The following EML2 variants were observed in gnomAD, a reference collection of about 807,000 sequenced individuals.
EML2 encodes echinoderm microtubule-associated protein-like 2.
A neutral mutation model predicts 84.7 loss-of-function variants in EML2; 59 were observed. The ratio of observed to expected loss-of-function variants is 0.70; its 90% CI spans 0.56 to 0.86. EML2 has a LOEUF of 0.86. EML2 is among the 40% of genes least tolerant of loss of function. EML2 has a pLI of 0.00. For missense variants in EML2, 818 were observed against 855.6 expected (o/e 0.96, Z 0.55); for synonymous variants, 352 against 348.9 (o/e 1.01, Z -0.10).
chr19:45,613,242 TG>T (rs1970676536), intron 18 of EML2, among the ~76,000 whole-genome samples: 1 of 152,166 alleles, frequency 6.6e-6, no homozygotes, highest in Non-Finnish European at 1.5e-5. Context: ...GTATATCCTG[TG>T]CCTAGGTACA....
At position 45,624,711 on chromosome 19, in the gene EML2, A is replaced by G. The variant is rs1388982947; in HGVS notation, c.841+8T>C. 1 of 1,609,954 alleles carries G rather than the reference A, an allele frequency of 6.2e-7. No individual in the cohort carries two copies. The highest frequency in any genetic ancestry group is 2.2e-5 in the East Asian group (1 of 44,824). Reference sequence around the variant, plus strand: ...GATTGGGAACCAAACAGATGGGGTGACACTGACCTTTGCCCCAAACATAGA... The same window carrying G: ...GATTGGGAACCAAACAGATGGGGTGGCACTGACCTTTGCCCCAAACATAGA... On this transcript the variant is annotated splice_region_variant and intron_variant, in intron 9 of 18. Transcript: ENST00000245925.
At chr19:45,624,126 T>C (rs1283149455) in intron 9 of EML2, among the ~76,000 whole-genome samples, 1 of 152,262 alleles carries the variant, frequency 6.6e-6, no homozygotes, top group Non-Finnish European at 1.5e-5. Flanking sequence ...CACATTAATC[T>C]GTTGGCTGAA....
intron 11 of EML2, among the ~76,000 whole-genome samples, chr19:45,620,017 T>C (rs1339066823): frequency 6.6e-6 from 1 of 152,054 alleles, no homozygotes; most frequent in African/African-American, 2.4e-5. Context: ...CATCACTGCA[T>C]TCCAGGCTGG....
At position 45,633,151 on chromosome 19, in the gene EML2, A is replaced by G. The variant is rs749357922; in HGVS notation, c.330-12T>C. 4.4e-6 allele frequency: 7 copies of G among 1,605,542 alleles called. No individual in the cohort carries two copies. Among genetic ancestry groups the G allele is most frequent in the South Asian group, 2.2e-5 (2 of 89,280 alleles). ...GGTGGATGGCCAAGCTGCGGAAAGA[A>G]GGGACAGAGAGACCAGGGCTCAGTG... On this transcript the variant is annotated splice_polypyrimidine_tract_variant and intron_variant, in intron 4 of 18. Transcript: ENST00000245925.
rs191770936 is a variant in EML2, at chr19:45,614,751, A to G, written c.1598-51T>C. The G allele has an allele frequency of 2.8e-6, 4 of 1,443,512 alleles. No homozygotes were observed. The East Asian group carries it at 9.1e-5, about 33-fold the overall frequency. 89.4% of individuals were successfully genotyped at this position (1,443,512 alleles called of 1,614,324 possible). A position where few individuals can be genotyped will look rare whatever the true frequency, so the allele number is the denominator to read the frequency against. On this transcript the variant is annotated intron_variant, in intron 16 of 18. Coordinates refer to ENST00000245925, the MANE Select transcript of EML2 (RefSeq NM_012155.4). Reference sequence around the variant, plus strand: ...TTCAGAGTTGGAAGAACTACCCAGTAAACCCATCCCTTTCTTAGACAATCG... The same window carrying G: ...TTCAGAGTTGGAAGAACTACCCAGTGAACCCATCCCTTTCTTAGACAATCG...
At chr19:45,643,706 C>G, upstream of EML2, 1 of 1,534,528 alleles carries the variant, frequency 6.5e-7, no homozygotes, top group Admixed American at 2.0e-5. Context: ...GGCCGCGCAG[C>G]TGGCCCTCTG....
chr19:45,642,377 G>A, upstream of EML2: 1 of 1,525,296 alleles, frequency 6.6e-7, no homozygotes, highest in Non-Finnish European at 8.8e-7. Flanking sequence ...AGTGCCGGCT[G>A]CAGGGCCACC....
rs868032019 is a variant in EML2 at position 45,629,994 on chromosome 19, G to A, written c.563C>T (p.Ser188Leu). Residue 188 changes from serine to leucine, a missense_variant, in exon 7 of 19, where the codon TCG becomes TTG. By Grantham distance (145) the Ser-to-Leu change is moderately radical (BLOSUM62 -2). Transcript: ENST00000245925. ...GGTCTCCTTGGCCCAGTCCCACACCGAGAGCATGTGATCATTGGATTCATC... is the reference window on the plus strand; with the variant it reads ...GGTCTCCTTGGCCCAGTCCCACACCAAGAGCATGTGATCATTGGATTCATC... ...AVDESNDHML[S>L]VWDWAKETKV... 2.2e-5 allele frequency: 36 copies of A among 1,613,372 alleles called. No individual in the cohort carries two copies. Among genetic ancestry groups the A allele is most frequent in the East Asian group, 6.7e-5 (3 of 44,878 alleles).
At chr19:45,621,068 CCTGGGT>C in intron 11 of EML2, 133 bp downstream of exon 11, 2 of 1,336,590 alleles carry the variant, frequency 1.5e-6, no homozygotes. Context: ...GGGAAGGGGT[CCTGGGT>C]CAGGGCCAGG....
At chr19:45,610,022 G>A (rs764062379) in intron 18 of EML2, among the ~76,000 whole-genome samples, 7 of 151,946 alleles carry the variant, frequency 4.6e-5, no homozygotes, top group African/African-American at 9.7e-5. Flanking sequence ...ACAGATATGC[G>A]CCCCCACACC....
At chr19:45,639,758 C>T (rs931597275), upstream of EML2, among the ~76,000 whole-genome samples, 3 of 152,140 alleles carry the variant, frequency 2.0e-5, no homozygotes, top group African/African-American at 7.2e-5. Context: ...CTTTGGGAGG[C>T]CGAGGCGGGC....
At chr19:45,621,669 G>T in intron 9 of EML2, 32 bp from the exon 10 acceptor site, 1 of 1,597,532 alleles carries the variant, frequency 6.3e-7, no homozygotes, top group Non-Finnish European at 8.5e-7. Context: ...GGTCAACAGG[G>T]AGAAGCCACC....
intron 18 of EML2, 98 bp from the exon 19 acceptor site, chr19:45,609,886 TC>T: frequency 2.5e-6 from 3 of 1,218,776 alleles, no homozygotes; most frequent in Admixed American, 3.0e-5. Flanking sequence ...CTGCTCTTCC[TC>T]TTTTTTTTTT....
rs201090809 is a variant in EML2 at position 45,621,288 on chromosome 19, G to A, written c.1041C>T (p.His347=). Reference sequence around the variant, plus strand: ...TGGTCCCCACGTACAGTGTGTCTCCGTGGCCCTCTGCCACGGTGCGCACAG... The same window carrying A: ...TGGTCCCCACGTACAGTGTGTCTCCATGGCCCTCTGCCACGGTGCGCACAG... ...FGPVRTVAEG[H]GDTLYVGTTR... Residue 347 remains histidine, a synonymous_variant, in exon 11 of 19, where the codon CAC becomes CAT. Coordinates refer to ENST00000245925, the MANE Select transcript of EML2 (RefSeq NM_012155.4). The A allele has an allele frequency of 6.8e-6, 11 of 1,612,882 alleles. No homozygotes were observed. The highest frequency in any genetic ancestry group is 3.3e-5 in the South Asian group (3 of 91,014).
chr19:45,634,557 T>C, intron 3 of EML2, 86 bp from the exon 4 acceptor site: 2 of 1,048,344 alleles, frequency 1.9e-6, no homozygotes, highest in Non-Finnish European at 1.2e-6. Flanking sequence ...TTATTTTTAA[T>C]TTTTTTATTT....
intron 7 of EML2, 118 bp from the exon 8 acceptor site, chr19:45,626,957 T>TTTA: frequency 2.1e-5 from 18 of 854,756 alleles, no homozygotes; most frequent in South Asian, 6.0e-5. Context: ...CACCTGAACT[T>TTTA]TTCTTTTTTT....
upstream of EML2, chr19:45,642,702 C>A: frequency 4.1e-6 from 1 of 243,162 alleles, no homozygotes; most frequent in Non-Finnish European, 7.0e-6. Context: ...GTGGCTCACG[C>A]CTGTAACCCC....
At chr19:45,644,601 C>G (rs549319037), upstream of EML2, 716 of 434,816 alleles carry the variant, frequency 1.6e-3, 8 homozygotes, top group African/African-American at 0.013. Context: ...GTGACTCAAG[C>G]CCTCCGCTCC....
chr19:45,629,097 C>T (rs986334223), intron 7 of EML2, among the ~76,000 whole-genome samples: 5 of 152,002 alleles, frequency 3.3e-5, no homozygotes, highest in Non-Finnish European at 7.4e-5. Flanking sequence ...CAAGGCCCTA[C>T]GAGGAAGATG....
Sources: gnomAD v4.1 joint callset for allele counts (sites outside exome capture counted in the v4.1 genomes callset) on GRCh38, gnomAD v4.1.1 for gene constraint, MANE v1.5 for transcripts, NCBI Gene and HGNC (gene_info 2026-07-23, HGNC 2026-07-21) for gene names.